The following ZC3H12B variants were observed in gnomAD, a reference collection of about 807,000 sequenced individuals.
ZC3H12B encodes the protein probable ribonuclease ZC3H12B.
A neutral mutation model predicts 43.9 loss-of-function variants in ZC3H12B; 7 were observed. The observed-to-expected ratio is 0.16, with a 90% CI of 0.09 to 0.30. The LOEUF (loss-of-function observed/expected upper bound fraction) is 0.30, where lower values mean the gene tolerates loss of function less well. Ranked by LOEUF, ZC3H12B falls within the 10% of genes least tolerant of loss-of-function variation. The pLI is 1.00. For missense variants in ZC3H12B, 475 were observed against 670.2 expected, an observed-to-expected ratio of 0.71 and a Z score of 3.22; for synonymous variants, 222 against 241.7, an observed-to-expected ratio of 0.92 and a Z score of 0.76.
the ZC3H12B span, among the ~76,000 whole-genome samples, chrX:65,152,846 T>C: frequency 4.5e-5 from 5 of 111,786 alleles, no homozygotes; most frequent in Admixed American, 1.9e-4. Flanking sequence ...TACAAGGCTA[T>C]AGTAACCAAA....
At chrX:65,056,839 A>G in the ZC3H12B span, among the ~76,000 whole-genome samples, 131 of 111,602 alleles carry the variant, frequency 1.2e-3, 1 homozygote, top group African/African-American at 4.3e-3. Context: ...CTTTACTATT[A>G]TGTAATGGCC....
the ZC3H12B span, among the ~76,000 whole-genome samples, chrX:65,145,388 C>A: frequency 2.2e-4 from 24 of 111,064 alleles, no homozygotes; most frequent in Non-Finnish European, 5.7e-5. Flanking sequence ...CTCTTGAAGG[C>A]AGCATATAAT....
chrX:65,320,226 A>G, the ZC3H12B span, among the ~76,000 whole-genome samples: 1 of 112,002 alleles, frequency 8.9e-6, no homozygotes, highest in Non-Finnish European at 1.9e-5. Context: ...TCAGTGTACA[A>G]AAATTACTGG....
chrX:65,387,118 T>C (rs1480835326), intron 2 of ZC3H12B, among the ~76,000 whole-genome samples: 2 of 112,045 alleles, frequency 1.8e-5, no homozygotes, highest in South Asian at 3.7e-4. Context: ...AGAATGTATA[T>C]TCTGTTGATT....
At chrX:65,211,711 A>G in the ZC3H12B span, among the ~76,000 whole-genome samples, 6 of 88,233 alleles carry the variant, frequency 6.8e-5, 1 homozygote, top group African/African-American at 2.5e-4. Flanking sequence ...TATATAATAT[A>G]TATTATATAT....
intron 3 of ZC3H12B, among the ~76,000 whole-genome samples, chrX:65,445,186 G>A (rs2067359363): frequency 8.9e-6 from 1 of 112,338 alleles, no homozygotes; most frequent in East Asian, 2.8e-4. Flanking sequence ...CCACATATCT[G>A]TATCTCTCTG....
At chrX:65,425,222 G>C (rs1032488317) in intron 3 of ZC3H12B, among the ~76,000 whole-genome samples, 7 of 110,799 alleles carry the variant, frequency 6.3e-5, no homozygotes, top group African/African-American at 2.3e-4. Context: ...TATTCATTTT[G>C]TGGCATTTGT....
At chrX:65,278,154 C>A in the ZC3H12B span, among the ~76,000 whole-genome samples, 1 of 111,682 alleles carries the variant, frequency 9.0e-6, no homozygotes, top group Non-Finnish European at 1.9e-5. Context: ...TAAACAAATA[C>A]ATGCCAATAA....
At chrX:65,328,244 C>G in the ZC3H12B span, 1 of 251,841 alleles carries the variant, frequency 4.0e-6, no homozygotes, top group Admixed American at 4.5e-5. Context: ...ATACTATGCT[C>G]TCAAATTTGT....
At chrX:65,055,280 G>C in the ZC3H12B span, among the ~76,000 whole-genome samples, 1 of 111,599 alleles carries the variant, frequency 9.0e-6, no homozygotes, top group African/African-American at 3.3e-5. Context: ...AATTTATTGA[G>C]AGTTTTTAGC....
At chrX:65,055,452 G>A in the ZC3H12B span, among the ~76,000 whole-genome samples, 1 of 111,752 alleles carries the variant, frequency 8.9e-6, no homozygotes, top group South Asian at 3.7e-4. Context: ...GATCATGGTG[G>A]ATAAGCTTTT....
chrX:65,492,076 C>A (rs966592556), intron 1 of ZC3H12B, among the ~76,000 whole-genome samples: 3 of 110,849 alleles, frequency 2.7e-5, no homozygotes, highest in African/African-American at 6.6e-5. Flanking sequence ...CCAAACCAGA[C>A]CACCCGGAAC....
the ZC3H12B span, among the ~76,000 whole-genome samples, chrX:65,149,295 C>G: frequency 1.8e-5 from 2 of 112,009 alleles, no homozygotes; most frequent in Non-Finnish European, 3.8e-5. Flanking sequence ...CTCACCTGGT[C>G]TCTGCCTCTA....
chrX:65,388,610 G>C (rs1471167596), intron 2 of ZC3H12B, among the ~76,000 whole-genome samples: 2 of 111,459 alleles, frequency 1.8e-5, no homozygotes, highest in African/African-American at 6.5e-5. Context: ...GCTCAGAGTA[G>C]TTTGATTGTC....
chrX:65,099,214 A>C, the ZC3H12B span, among the ~76,000 whole-genome samples: 19 of 111,870 alleles, frequency 1.7e-4, no homozygotes, highest in East Asian at 5.7e-4. Flanking sequence ...AACCTCAGTC[A>C]GGGGCTTATA....
At chrX:65,337,687 G>A in the ZC3H12B span, among the ~76,000 whole-genome samples, 27 of 112,408 alleles carry the variant, frequency 2.4e-4, no homozygotes, top group Admixed American at 1.2e-3. Context: ...TATTGATAGC[G>A]TGCATAATTC....
chrX:65,327,021 G>A, the ZC3H12B span, among the ~76,000 whole-genome samples: 55 of 111,298 alleles, frequency 4.9e-4, 1 homozygote, highest in African/African-American at 1.8e-3. Flanking sequence ...GTACATTGTT[G>A]GGAGAAATAT....
At chrX:65,430,892 T>C (rs1268561631) in intron 3 of ZC3H12B, among the ~76,000 whole-genome samples, 1 of 111,282 alleles carries the variant, frequency 9.0e-6, no homozygotes, top group Non-Finnish European at 1.9e-5. Flanking sequence ...TTGAGTTGTT[T>C]GCCTAATCAG....
the ZC3H12B span, among the ~76,000 whole-genome samples, chrX:65,342,941 G>A: frequency 9.1e-6 from 1 of 109,920 alleles, no homozygotes; most frequent in Non-Finnish European, 1.9e-5. Flanking sequence ...AGAAGAAAAG[G>A]AAGACATTCC....
Sources: gnomAD v4.1 joint callset for allele counts (sites outside exome capture counted in the v4.1 genomes callset) on GRCh38, gnomAD v4.1.1 for gene constraint, MANE v1.5 for transcripts, NCBI Gene and HGNC (gene_info 2026-07-23, HGNC 2026-07-21) for gene names.